The following GRIA4 variants were observed in gnomAD, a reference collection of about 807,000 sequenced individuals.
The protein encoded by GRIA4 is glutamate ionotropic receptor AMPA type subunit 4.
A neutral mutation model predicts 104.0 loss-of-function variants in GRIA4; 34 were observed. The observed-to-expected ratio is 0.33, with a 90% CI of 0.25 to 0.44. GRIA4 has a LOEUF of 0.44. GRIA4 is among the 20% of genes least tolerant of loss of function. The pLI, the probability that GRIA4 is intolerant of heterozygous loss-of-function variation, is 1.00. For missense variants in GRIA4, 750 were observed against 1,096.5 expected (o/e 0.68, Z 4.46); for synonymous variants, 386 against 381.9 (o/e 1.01, Z -0.13).
intron 4 of GRIA4, among the ~76,000 whole-genome samples, chr11:105,787,679 G>T (rs1942032558): frequency 0.019 from 1 of 54 alleles, no homozygotes; most frequent in Admixed American, 0.17. Context: ...GTTTCACCAT[G>T]TTGCCAGGCT....
At chr11:105,840,673 T>C (rs1238224003) in intron 4 of GRIA4, among the ~76,000 whole-genome samples, 1 of 152,204 alleles carries the variant, frequency 6.6e-6, no homozygotes, top group Non-Finnish European at 1.5e-5. Flanking sequence ...CTTCAGAGGC[T>C]CTCAAACAAT....
At chr11:105,673,897 T>C (rs1952454312) in intron 3 of GRIA4, among the ~76,000 whole-genome samples, 1 of 152,048 alleles carries the variant, frequency 6.6e-6, no homozygotes, top group Admixed American at 6.6e-5. Context: ...ATTTATAAGA[T>C]CAATGGAATA....
At chr11:105,734,192 A>G (rs1475244506) in intron 3 of GRIA4, among the ~76,000 whole-genome samples, 4 of 151,662 alleles carry the variant, frequency 2.6e-5, no homozygotes, top group Non-Finnish European at 5.9e-5. Flanking sequence ...AAGTATGTAT[A>G]AAATTGGACT....
chr11:105,910,022 C>G (rs1947174996), intron 9 of GRIA4, among the ~76,000 whole-genome samples: 1 of 152,066 alleles, frequency 6.6e-6, no homozygotes, highest in Admixed American at 6.6e-5. Context: ...TGTACATGTT[C>G]TTCTTAGAAA....
chr11:105,878,645 C>A (rs1945927907), intron 5 of GRIA4, among the ~76,000 whole-genome samples: 1 of 152,200 alleles, frequency 6.6e-6, no homozygotes, highest in Admixed American at 6.5e-5. Context: ...GGGAGTCTGG[C>A]TACAGTGGCT....
At chr11:105,829,799 T>C (rs1013162976) in intron 4 of GRIA4, among the ~76,000 whole-genome samples, 5 of 151,862 alleles carry the variant, frequency 3.3e-5, no homozygotes, top group Admixed American at 6.6e-5. Flanking sequence ...ATTTTATCCA[T>C]ATATAAGTTT....
At position 105,963,562 on chromosome 11, in the gene GRIA4, A is replaced by G. The variant is rs1948792460; in HGVS notation, c.2295-8352A>G. On this transcript the variant is annotated intron_variant, in intron 14 of 16. Transcript: ENST00000282499. Reference sequence around the variant, plus strand: ...TAAGTGGACTCTATTGAGGGACCACATGTTTCTGGAAGGAAACCATGTAGA... The same window carrying G: ...TAAGTGGACTCTATTGAGGGACCACGTGTTTCTGGAAGGAAACCATGTAGA... Among the ~76,000 whole-genome samples the G allele has an allele frequency of 2.0e-5, 3 of 152,160 alleles. No homozygotes were observed. The South Asian group carries it at 6.2e-4, about 31-fold the overall frequency.
At chr11:105,708,932 G>C (rs540746297) in intron 3 of GRIA4, among the ~76,000 whole-genome samples, 1 of 150,342 alleles carries the variant, frequency 6.7e-6, no homozygotes, top group Non-Finnish European at 1.5e-5. Context: ...ATGTGTAGAT[G>C]TGTGTGTAAG....
At chr11:105,775,408 C>A (rs1038809913) in intron 4 of GRIA4, among the ~76,000 whole-genome samples, 1 of 152,010 alleles carries the variant, frequency 6.6e-6, no homozygotes, top group Non-Finnish European at 1.5e-5. Flanking sequence ...GCTAAAGATA[C>A]TATATATGCT....
At chr11:105,949,342 T>C (rs1006728170) in intron 14 of GRIA4, among the ~76,000 whole-genome samples, 1 of 152,200 alleles carries the variant, frequency 6.6e-6, no homozygotes, top group Non-Finnish European at 1.5e-5. Context: ...AACACTATTC[T>C]TTTATTTTAA....
intron 14 of GRIA4, among the ~76,000 whole-genome samples, chr11:105,969,301 G>T (rs529832219): frequency 6.6e-6 from 1 of 152,264 alleles, no homozygotes; most frequent in East Asian, 1.9e-4. Context: ...AGGAAAAAAA[G>T]TTGTAGTAAA....
At chr11:105,647,732 G>T (rs1951569987) in intron 3 of GRIA4, among the ~76,000 whole-genome samples, 1 of 152,132 alleles carries the variant, frequency 6.6e-6, no homozygotes, top group African/African-American at 2.4e-5. Flanking sequence ...TTATAAGCGG[G>T]AGCTCAATGA....
chr11:105,877,491 C>T (rs545488974), intron 5 of GRIA4, among the ~76,000 whole-genome samples: 57 of 152,282 alleles, frequency 3.7e-4, no homozygotes, highest in African/African-American at 1.3e-3. Flanking sequence ...TGGATAATAT[C>T]CTGAAGAGTG....
At chr11:105,651,421 G>A (rs1331841502) in intron 3 of GRIA4, among the ~76,000 whole-genome samples, 1 of 152,066 alleles carries the variant, frequency 6.6e-6, no homozygotes, top group Non-Finnish European at 1.5e-5. Flanking sequence ...AGAAACTTTG[G>A]TGAAGAAATG....
intron 15 of GRIA4, among the ~76,000 whole-genome samples, chr11:105,973,348 T>C (rs1858794064): frequency 6.6e-6 from 1 of 152,132 alleles, no homozygotes. Context: ...CATTATGTAA[T>C]AAGCATATTT....
At chr11:105,885,340 T>G (rs554073297) in intron 5 of GRIA4, among the ~76,000 whole-genome samples, 1 of 152,220 alleles carries the variant, frequency 6.6e-6, no homozygotes, top group Non-Finnish European at 1.5e-5. Flanking sequence ...ATCTATTTGT[T>G]GCTTGTCCTC....
intron 3 of GRIA4, among the ~76,000 whole-genome samples, chr11:105,677,405 C>G (rs146183876): frequency 1.3e-5 from 2 of 151,874 alleles, no homozygotes; most frequent in African/African-American, 4.8e-5. Context: ...AGGAAACATT[C>G]CTGATGATCT....
intron 14 of GRIA4, among the ~76,000 whole-genome samples, chr11:105,951,636 T>A (rs917148557): frequency 6.6e-6 from 1 of 152,170 alleles, no homozygotes; most frequent in Non-Finnish European, 1.5e-5. Context: ...ACTGAAGGCA[T>A]CTTTTCACAT....
chr11:105,755,291 T>TGAAGAG (rs1940237214), intron 4 of GRIA4, among the ~76,000 whole-genome samples: 1 of 152,160 alleles, frequency 6.6e-6, no homozygotes, highest in African/African-American at 2.4e-5. Context: ...AAGGAACAAA[T>TGAAGAG]GAAGAGGAAG....
Sources: allele counts gnomAD v4.1 joint callset (sites outside exome capture counted in the v4.1 genomes callset), GRCh38; gene constraint gnomAD v4.1.1; transcripts MANE v1.5; gene names NCBI Gene and HGNC (gene_info 2026-07-23, HGNC 2026-07-21).